MON2: variants seen among roughly 807,000 people sequenced by gnomAD.
MON2 encodes MON2 regulator of endosome-to-Golgi trafficking, also known as protein MON2 homolog.
A neutral mutation model predicts 208.6 loss-of-function variants in MON2; 84 were observed. The ratio of observed to expected loss-of-function variants is 0.40; its 90% CI spans 0.34 to 0.48. The LOEUF (loss-of-function observed/expected upper bound fraction) is 0.48. MON2 is among the 20% of genes least tolerant of loss of function. The pLI is 0.59. For synonymous variants in MON2, 660 were observed against 694.0 expected, an observed-to-expected ratio of 0.95 and a Z score of 0.77; for missense variants, 1,611 against 2,015.4, an observed-to-expected ratio of 0.80 and a Z score of 3.84.
intron 1 of MON2, among the ~76,000 whole-genome samples, chr12:62,471,476 A>T (rs1033807920): frequency 1.3e-5 from 2 of 152,160 alleles, no homozygotes; most frequent in Non-Finnish European, 2.9e-5. Context: ...GAGCCACCAC[A>T]CCCAGCAGAG....
At chr12:62,491,850 A>T (rs2070159079) in intron 2 of MON2, among the ~76,000 whole-genome samples, 1 of 152,176 alleles carries the variant, frequency 6.6e-6, no homozygotes, top group African/African-American at 2.4e-5. Flanking sequence ...TTCAGCAGAG[A>T]TAGGGGTTGC....
At chr12:62,485,878 A>G (rs966202675) in intron 2 of MON2, among the ~76,000 whole-genome samples, 16 of 151,932 alleles carry the variant, frequency 1.1e-4, no homozygotes, top group Non-Finnish European at 2.4e-4. Flanking sequence ...TAATTTTTGT[A>G]TTTTTAGTAG....
chr12:62,486,326 A>G (rs971202158), intron 2 of MON2, among the ~76,000 whole-genome samples: 1 of 147,760 alleles, frequency 6.8e-6, no homozygotes, highest in African/African-American at 2.4e-5. Context: ...TGTCTAATAA[A>G]TTACTCTTAA....
chr12:62,567,665 A>G (rs1303658750), intron 29 of MON2, among the ~76,000 whole-genome samples: 1 of 152,076 alleles, frequency 6.6e-6, no homozygotes, highest in African/African-American at 2.4e-5. Context: ...CTATCCTCTC[A>G]CTTTATTTAT....
At chr12:62,479,465 T>G (rs1592817948) in intron 1 of MON2, among the ~76,000 whole-genome samples, 2 of 137,670 alleles carry the variant, frequency 1.5e-5, no homozygotes, top group East Asian at 2.6e-4. Context: ...TGATCTGCAG[T>G]TGGTTGAATC....
intron 6 of MON2, 93 bp from the exon 7 acceptor site, chr12:62,501,480 A>C (rs924676723): frequency 6.9e-7 from 1 of 1,453,068 alleles, no homozygotes; most frequent in African/African-American, 1.4e-5. Context: ...GTATTATATA[A>C]GAAGATAGAT....
At position 62,552,877 on chromosome 12, in the gene MON2, T is replaced by C. The variant is rs1304594420; in HGVS notation, c.2917-4T>C. The C allele has an allele frequency of 6.2e-7, 1 of 1,607,406 alleles. No homozygotes were observed. Among genetic ancestry groups the C allele is most frequent in the East Asian group, 2.2e-5 (1 of 44,778 alleles). On this transcript the variant is annotated splice_polypyrimidine_tract_variant and splice_region_variant and intron_variant, in intron 23 of 34. Coordinates refer to ENST00000393630, the MANE Select transcript of MON2 (RefSeq NM_015026.3). ...AACTAATATTTTTCTACTTTGCTTT[T>C]TAGTGGAATATTTCAGATTATTTTT...
chr12:62,571,614 G>A (rs202208722), intron 30 of MON2, 32 bp downstream of exon 30: 13 of 1,526,572 alleles, frequency 8.5e-6, no homozygotes, highest in Middle Eastern at 1.7e-4. Flanking sequence ...ATTAAGACAA[G>A]AAGTGGCACA....
Position 62,565,282 on chromosome 12 carries a change from A to G in MON2, c.4078A>G (p.Ile1360Val). ...AAACATGCAGATAATGTATCCAGCTATATTTGACCAGTTGTTGGCATTTGT... is the reference window on the plus strand; with the variant it reads ...AAACATGCAGATAATGTATCCAGCTGTATTTGACCAGTTGTTGGCATTTGT... ...PENMQIMYPA[I>V]FDQLLAFVEF... is the part of the protein sequence containing the mutation. Residue 1360 changes from isoleucine (I) to valine (V), a missense_variant, in exon 27 of 35, where the codon ATA (isoleucine) becomes GTA (valine). Physicochemically the swap from Ile to Val is conservative, Grantham distance 29. Transcript: ENST00000393630. The G allele has an allele frequency of 6.2e-7, 1 of 1,613,240 alleles. No homozygotes were observed. The highest frequency in any genetic ancestry group is 8.5e-7 in the Non-Finnish European group (1 of 1,179,410).
chr12:62,470,102 T>A (rs2068722577), intron 1 of MON2, among the ~76,000 whole-genome samples: 1 of 151,960 alleles, frequency 6.6e-6, no homozygotes, highest in Admixed American at 6.6e-5. Context: ...AGACAGGGTC[T>A]CACCATGTTG....
intron 4 of MON2, 47 bp downstream of exon 4, chr12:62,495,194 T>C (rs746489663): frequency 1.3e-6 from 2 of 1,506,688 alleles, no homozygotes; most frequent in East Asian, 4.7e-5. Flanking sequence ...GAGACAGTAT[T>C]TGAATAAGCT....
In MON2 at chr12:62,543,146, A is replaced by G; in HGVS notation, c.2414A>G (p.Asn805Ser). 1 of 1,579,664 alleles carries G rather than the reference A, an allele frequency of 6.3e-7. No individual in the cohort carries two copies. Among genetic ancestry groups the G allele is most frequent in the Non-Finnish European group, 8.6e-7 (1 of 1,167,390 alleles). The change falls in exon 20 of 35, where the codon AAT (asparagine) becomes AGT (serine). Residue 805 changes from asparagine to serine, a missense_variant. Coordinates refer to ENST00000393630, the MANE Select transcript of MON2 (RefSeq NM_015026.3). Reference protein sequence around the residue: ...VAKLLETGLVNMHRIEILWRP... With the variant: ...VAKLLETGLVSMHRIEILWRP... ...AAATTGTTAGAAACTGGTTTAGTTAATATGCACCGAATAGAAATTCTGTGG... is the reference window on the plus strand; with the variant it reads ...AAATTGTTAGAAACTGGTTTAGTTAGTATGCACCGAATAGAAATTCTGTGG...
At chr12:62,541,416 T>C (rs2073237031) in intron 19 of MON2, among the ~76,000 whole-genome samples, 3 of 151,830 alleles carry the variant, frequency 2.0e-5, no homozygotes, top group Non-Finnish European at 2.9e-5. Flanking sequence ...AATTCTTTCT[T>C]AGAAGAGGAT....
At chr12:62,516,593 A>G (rs2071700804) in intron 8 of MON2, among the ~76,000 whole-genome samples, 1 of 152,114 alleles carries the variant, frequency 6.6e-6, no homozygotes, top group Non-Finnish European at 1.5e-5. Flanking sequence ...AATCCCAGCT[A>G]CTCGGGAGGC....
intron 5 of MON2, 116 bp downstream of exon 5, chr12:62,499,164 A>G (rs1317368685): frequency 3.7e-6 from 4 of 1,076,222 alleles, no homozygotes; most frequent in Non-Finnish European, 2.5e-6. Context: ...GGCAACTTAA[A>G]AAATAAATTC....
chr12:62,554,200 A>G (rs2073869313), intron 24 of MON2, among the ~76,000 whole-genome samples: 1 of 152,018 alleles, frequency 6.6e-6, no homozygotes, highest in African/African-American at 2.4e-5. Flanking sequence ...ATTCTTAATG[A>G]TTTTTTTCTC....
Position 62,497,171 on chromosome 12 carries a change from G to C in MON2, c.436-1748G>C, listed in dbSNP as rs1368066268. Among the ~76,000 whole-genome samples the C allele has an allele frequency of 7.9e-4, 102 of 129,758 alleles. 1 individual carries two copies. Among genetic ancestry groups the C allele is most frequent in the African/African-American group, 2.7e-3 (93 of 34,170 alleles). 85.1% of individuals were successfully genotyped at this position (129,758 alleles called of 152,430 possible). ...GGGGCCTGTTGTGGGGTTGGGGGAG[G>C]GGGGAGGGGGGAGGGATAGCATTAG... On this transcript the variant is annotated intron_variant, in intron 4 of 34. Coordinates refer to ENST00000393630, the MANE Select transcript of MON2 (RefSeq NM_015026.3).
chr12:62,480,271 A>G (rs1485757884), intron 1 of MON2, among the ~76,000 whole-genome samples: 2 of 152,222 alleles, frequency 1.3e-5, no homozygotes, highest in Non-Finnish European at 2.9e-5. Context: ...TACTTAAAAA[A>G]TACTTGACCA....
In MON2 at chr12:62,565,938, A is replaced by G. The variant is rs187674812; in HGVS notation, c.4177-76A>G. ...CTCAACATAAAAATTATAATTTTAT[A>G]TCGTCCGAAAGTAGTTTAAATATGT... On this transcript the variant is annotated intron_variant, in intron 27 of 34. Transcript: ENST00000393630. The G allele has an allele frequency of 3.4e-3, 4,391 of 1,298,030 alleles. 24 individuals are homozygous for G. The highest frequency in any genetic ancestry group is 0.015 in the South Asian group (1,080 of 70,896). The allele number at this position is 1,298,030 out of a possible 1,614,324, so 80.4% of individuals were successfully genotyped here.
Sources: gnomAD v4.1 joint callset for allele counts (sites outside exome capture counted in the v4.1 genomes callset) on GRCh38, gnomAD v4.1.1 for gene constraint, MANE v1.5 for transcripts, NCBI Gene and HGNC (gene_info 2026-07-23, HGNC 2026-07-21) for gene names.